Variants in TMEM132D observed in about 807,000 individuals in gnomAD.
TMEM132D encodes the protein transmembrane protein 132D, also known as mature OL transmembrane protein.
Under a neutral mutation model 62.3 loss-of-function variants are expected in TMEM132D, and 21 were observed. The ratio of observed to expected loss-of-function variants is 0.34; its 90% CI spans 0.24 to 0.49. TMEM132D has a LOEUF of 0.49. Among genes scored for constraint, TMEM132D ranks in the 20% least tolerant of loss-of-function variants. The probability of loss-of-function intolerance (pLI) is 0.99; values close to 1 mark genes in which losing one functional copy is unlikely to be tolerated. For synonymous variants in TMEM132D, 621 were observed against 575.6 expected (o/e 1.08, Z -1.13); for missense variants, 1,346 against 1,402.8 (o/e 0.96, Z 0.65).
intron 1 of TMEM132D, among the ~76,000 whole-genome samples, chr12:129,716,967 G>A (rs1018598151): frequency 3.3e-5 from 5 of 152,188 alleles, no homozygotes; most frequent in Non-Finnish European, 5.9e-5. Context: ...GCAGGCCAAC[G>A]CTGAGGTGGA....
chr12:129,557,794 T>C (rs1284244179), intron 2 of TMEM132D, among the ~76,000 whole-genome samples: 1 of 152,154 alleles, frequency 6.6e-6, no homozygotes, highest in African/African-American at 2.4e-5. Context: ...GTAAATCTGA[T>C]TGTGACAATG....
chr12:129,666,818 C>T (rs895035631), intron 2 of TMEM132D, among the ~76,000 whole-genome samples: 2 of 152,158 alleles, frequency 1.3e-5, no homozygotes, highest in Admixed American at 1.3e-4. Context: ...AACAGTTTTA[C>T]ATACAAGGTG....
intron 3 of TMEM132D, among the ~76,000 whole-genome samples, chr12:129,359,085 T>A (rs964824283): frequency 1.3e-5 from 2 of 152,184 alleles, no homozygotes; most frequent in Admixed American, 1.3e-4. Context: ...TGGCATATTA[T>A]TCAGTTACAA....
At chr12:129,409,473 C>T (rs4280067) in intron 3 of TMEM132D, among the ~76,000 whole-genome samples, 21,064 of 152,132 alleles carry the variant, frequency 0.14, 1,772 homozygotes, top group East Asian at 0.38. Flanking sequence ...AAACTTTCTA[C>T]GTTTTTTAAT....
chr12:129,518,105 T>A (rs970400417), intron 3 of TMEM132D, among the ~76,000 whole-genome samples: 1 of 152,182 alleles, frequency 6.6e-6, no homozygotes, highest in African/African-American at 2.4e-5. Flanking sequence ...CTAAGGAGGA[T>A]AAACAATTTC....
chr12:129,168,691 G>A (rs1256025855), intron 5 of TMEM132D, among the ~76,000 whole-genome samples: 1 of 152,162 alleles, frequency 6.6e-6, no homozygotes, highest in African/African-American at 2.4e-5. Context: ...TCGTGGGGCT[G>A]TCCTATGAGT....
At position 129,827,431 on chromosome 12, in the gene TMEM132D, T is replaced by A. The variant is rs1004386277; in HGVS notation, c.79+75830A>T. Reference sequence around the variant, plus strand: ...AACCAAAACAGGCTTTCTTCTCCCTTCCATGGTCCTCATATAAGCAAGGAG... The same window carrying A: ...AACCAAAACAGGCTTTCTTCTCCCTACCATGGTCCTCATATAAGCAAGGAG... On this transcript the variant is annotated intron_variant, in intron 1 of 8. Coordinates refer to ENST00000422113, the MANE Select transcript of TMEM132D (RefSeq NM_133448.3). This position sits in a 1 kb window ranked among gnomAD's most constrained non-coding sequence, Gnocchi z 9.7. Among the ~76,000 whole-genome samples, 2 of 152,152 alleles carry A rather than the reference T, an allele frequency of 1.3e-5. No individual in the cohort carries two copies. The highest frequency in any genetic ancestry group is 4.8e-5 in the African/African-American group (2 of 41,444).
At chr12:129,099,721 T>A (rs1875231316) in intron 5 of TMEM132D, among the ~76,000 whole-genome samples, 1 of 152,262 alleles carries the variant, frequency 6.6e-6, no homozygotes, top group Admixed American at 6.5e-5. Context: ...TTCTTCCATG[T>A]TCAGTCCCAC....
At chr12:129,826,920 T>G (rs1291601650) in intron 1 of TMEM132D, among the ~76,000 whole-genome samples, 1 of 152,172 alleles carries the variant, frequency 6.6e-6, no homozygotes, top group Admixed American at 6.5e-5. Flanking sequence ...AAAAATAGAG[T>G]GAAAAGCAGT....
intron 1 of TMEM132D, among the ~76,000 whole-genome samples, chr12:129,820,855 C>T (rs1872525115): frequency 6.6e-6 from 1 of 152,202 alleles, no homozygotes; most frequent in Admixed American, 6.5e-5. Flanking sequence ...TCCCACGTAG[C>T]TGGGACTGCA....
At chr12:129,200,785 C>A (rs1365964252) in intron 5 of TMEM132D, among the ~76,000 whole-genome samples, 1 of 152,226 alleles carries the variant, frequency 6.6e-6, no homozygotes, top group East Asian at 1.9e-4. Context: ...CAGGCCCCAA[C>A]ACTGAAGCAC....
At chr12:129,329,548 T>C (rs1230222970) in intron 4 of TMEM132D, among the ~76,000 whole-genome samples, 1 of 152,194 alleles carries the variant, frequency 6.6e-6, no homozygotes, top group Non-Finnish European at 1.5e-5. Context: ...CTCCTTTCCC[T>C]AATTTGACAG....
At chr12:129,898,540 T>A (rs115168980) in intron 1 of TMEM132D, among the ~76,000 whole-genome samples, 3 of 152,216 alleles carry the variant, frequency 2.0e-5, no homozygotes, top group Non-Finnish European at 2.9e-5. Flanking sequence ...TGGGAGATTA[T>A]GTGGATCACT....
chr12:129,353,329 A>T (rs1869930492), intron 3 of TMEM132D, among the ~76,000 whole-genome samples: 1 of 152,160 alleles, frequency 6.6e-6, no homozygotes, highest in African/African-American at 2.4e-5. Context: ...AGGAAAATTT[A>T]AAAAACATGA....
In TMEM132D at chr12:129,074,288, C is replaced by T. The variant is rs778792661; in HGVS notation, c.2887G>A (p.Asp963Asn). 6.2e-6 allele frequency: 10 copies of T among 1,613,988 alleles called. No homozygotes were observed. The highest frequency in any genetic ancestry group is 6.8e-6 in the Non-Finnish European group (8 of 1,180,032). The change falls in exon 9 of 9, where the codon GAC becomes AAC. Residue 963 changes from aspartate to asparagine, a missense_variant. Coordinates refer to ENST00000422113, the MANE Select transcript of TMEM132D (RefSeq NM_133448.3). ...EEQEGMSHSH[D>N]WVGLSNRTEL... Reference sequence around the variant, plus strand: ...GTCCGGTTGCTTAACCCAACCCAGTCATGAGAGTGACTCATCCCTTCCTGC... The same window carrying T: ...GTCCGGTTGCTTAACCCAACCCAGTTATGAGAGTGACTCATCCCTTCCTGC...
intron 1 of TMEM132D, among the ~76,000 whole-genome samples, chr12:129,773,232 T>C (rs561467207): frequency 6.6e-6 from 1 of 152,322 alleles, no homozygotes; most frequent in African/African-American, 2.4e-5. Flanking sequence ...GCCTCCTGTA[T>C]GCTATGCAAA....
intron 5 of TMEM132D, among the ~76,000 whole-genome samples, chr12:129,136,931 TCATCATCATCGCCAC>T (rs2135528235): frequency 7.1e-6 from 1 of 140,474 alleles, no homozygotes; most frequent in South Asian, 2.4e-4. Context: ...ACCACCATCA[TCATCATCATCGCCAC>T]CATCATCACC....
chr12:129,903,653 C>A lies in TMEM132D; in HGVS notation c.-314G>T. 2 of 244,322 alleles carry A rather than the reference C, an allele frequency of 8.2e-6. No individual in the cohort carries two copies. The highest frequency in any genetic ancestry group is 7.8e-6 in the Non-Finnish European group (1 of 127,720). 15.1% of individuals were successfully genotyped at this position (244,322 alleles called of 1,614,324 possible). A position where few individuals can be genotyped will look rare whatever the true frequency, so the allele number is the denominator to read the frequency against. ...GGGGGTATTTCCTTTCCTGTTTACC[C>A]GAGCGAAGAGTGGCCCCCGGTGGCC... On this transcript the variant is annotated 5_prime_UTR_variant, in exon 1 of 9. Coordinates refer to ENST00000422113, the MANE Select transcript of TMEM132D (RefSeq NM_133448.3). The surrounding 1 kb of genome is among the most constrained non-coding windows in gnomAD (Gnocchi z 6.2).
chr12:129,152,510 G>A (rs111773574), intron 5 of TMEM132D, among the ~76,000 whole-genome samples: 29 of 152,300 alleles, frequency 1.9e-4, no homozygotes, highest in Middle Eastern at 3.4e-3. Context: ...GACCTGACAT[G>A]AGCCTGGGCT....
Sources: allele counts gnomAD v4.1 joint callset (sites outside exome capture counted in the v4.1 genomes callset), GRCh38; gene constraint gnomAD v4.1.1; non-coding constraint Gnocchi (gnomAD v3.1); transcripts MANE v1.5; gene names NCBI Gene and HGNC (gene_info 2026-07-23, HGNC 2026-07-21).